The following DLG2 variants were observed in gnomAD, a reference collection of about 807,000 sequenced individuals.
DLG2 encodes disks large homolog 2.
Under a neutral mutation model 132.5 loss-of-function variants are expected in DLG2, and 45 were observed. The ratio of observed to expected loss-of-function variants is 0.34; its 90% CI spans 0.27 to 0.44. The LOEUF is 0.44. Ranked by LOEUF, DLG2 falls within the 20% of genes least tolerant of loss-of-function variation. The pLI, the probability that DLG2 is intolerant of heterozygous loss-of-function variation, is 1.00. For synonymous variants in DLG2, 424 were observed against 419.6 expected (o/e 1.01, Z -0.13); for missense variants, 1,045 against 1,196.9 (o/e 0.87, Z 1.87).
chr11:84,505,780 G>A (rs1567816870), intron 7 of DLG2, among the ~76,000 whole-genome samples: 1 of 151,892 alleles, frequency 6.6e-6, no homozygotes, highest in Non-Finnish European at 1.5e-5. Flanking sequence ...AGGACATATG[G>A]GGAACAAGAA....
chr11:84,866,742 T>C (rs2084630740), intron 6 of DLG2, among the ~76,000 whole-genome samples: 1 of 152,214 alleles, frequency 6.6e-6, no homozygotes, highest in Non-Finnish European at 1.5e-5. Flanking sequence ...TTAATCTTTA[T>C]TATAATCCTA....
chr11:83,568,975 G>A (rs2096753914), intron 19 of DLG2, among the ~76,000 whole-genome samples: 1 of 152,136 alleles, frequency 6.6e-6, no homozygotes, highest in African/African-American at 2.4e-5. Context: ...ATTTATTAAT[G>A]AGAAATCAAA....
chr11:83,473,286 C>A (rs536463526), intron 22 of DLG2, among the ~76,000 whole-genome samples: 1 of 152,042 alleles, frequency 6.6e-6, no homozygotes, highest in African/African-American at 2.4e-5. Flanking sequence ...AATATTAATT[C>A]GTCAGGAAAA....
At chr11:84,667,850 T>A (rs943060380) in intron 6 of DLG2, among the ~76,000 whole-genome samples, 2 of 152,098 alleles carry the variant, frequency 1.3e-5, no homozygotes, top group East Asian at 1.9e-4. Context: ...TTTATCCTTG[T>A]GTCCCCACCC....
chr11:85,470,185 G>C (rs919009311), intron 3 of DLG2, among the ~76,000 whole-genome samples: 8 of 138,140 alleles, frequency 5.8e-5, no homozygotes, highest in African/African-American at 2.1e-4. Flanking sequence ...AAATCAGAAA[G>C]ACATGAAAAC....
At chr11:85,006,837 G>A (rs533806708) in intron 6 of DLG2, among the ~76,000 whole-genome samples, 1 of 151,946 alleles carries the variant, frequency 6.6e-6, no homozygotes, top group Non-Finnish European at 1.5e-5. Flanking sequence ...GTCGACTTTA[G>A]ATCTTTCCTG....
chr11:85,497,182 A>C (rs909106224), intron 3 of DLG2, among the ~76,000 whole-genome samples: 2 of 152,126 alleles, frequency 1.3e-5, no homozygotes, highest in Admixed American at 1.3e-4. Flanking sequence ...AATCCTTGAA[A>C]AAAGGTTAGA....
intron 6 of DLG2, among the ~76,000 whole-genome samples, chr11:84,568,277 G>A (rs1440227946): frequency 1.3e-5 from 2 of 152,210 alleles, no homozygotes; most frequent in Non-Finnish European, 2.9e-5. Flanking sequence ...GGGAGGCCAA[G>A]GCGGATGGAT....
At chr11:85,392,317 G>A (rs1468555139) in intron 3 of DLG2, among the ~76,000 whole-genome samples, 1 of 151,936 alleles carries the variant, frequency 6.6e-6, no homozygotes, top group Non-Finnish European at 1.5e-5. Flanking sequence ...CATATCCCAT[G>A]CTTAAGGATG....
intron 15 of DLG2, among the ~76,000 whole-genome samples, chr11:83,929,867 T>TA (rs2079815840): frequency 6.6e-6 from 1 of 152,354 alleles, no homozygotes; most frequent in East Asian, 1.9e-4. Flanking sequence ...TAAATGGTGA[T>TA]ATTAATCTAA....
At chr11:84,761,246 G>A (rs137859912) in intron 6 of DLG2, among the ~76,000 whole-genome samples, 9 of 152,318 alleles carry the variant, frequency 5.9e-5, no homozygotes, top group African/African-American at 1.4e-4. Flanking sequence ...ATTTTTACCC[G>A]TGATGGTGTA....
At chr11:85,024,006 T>C (rs2060301263) in intron 6 of DLG2, among the ~76,000 whole-genome samples, 1 of 152,104 alleles carries the variant, frequency 6.6e-6, no homozygotes, top group South Asian at 2.1e-4. Context: ...ATTAAGATAA[T>C]CCGAGAATTT....
chr11:83,526,441 G>A (rs577968161), intron 21 of DLG2, among the ~76,000 whole-genome samples: 6 of 152,220 alleles, frequency 3.9e-5, no homozygotes, highest in African/African-American at 1.4e-4. Context: ...TTTGCTCTAT[G>A]TGTTGAGTAG....
chr11:84,292,240 G>A (rs764825746), intron 7 of DLG2, among the ~76,000 whole-genome samples: 21 of 152,120 alleles, frequency 1.4e-4, no homozygotes, highest in Admixed American at 1.3e-4. Context: ...TCAGAGTAAC[G>A]ACATATGTGG....
intron 18 of DLG2, among the ~76,000 whole-genome samples, chr11:83,761,837 A>G (rs2153759387): frequency 6.6e-6 from 1 of 152,300 alleles, no homozygotes; most frequent in East Asian, 1.9e-4. Context: ...CAGCATAGCA[A>G]CTCAACAAAT....
intron 11 of DLG2, among the ~76,000 whole-genome samples, chr11:83,997,730 C>CAAAAAAAAAAAAAAAAA (rs71066079): frequency 1.6e-4 from 4 of 24,796 alleles, no homozygotes; most frequent in African/African-American, 3.0e-4. Context: ...GACTCCATCT[C>CAAAAAAAAAAAAAAAAA]AAAAAAAAAA....
intron 7 of DLG2, among the ~76,000 whole-genome samples, chr11:84,405,419 C>A (rs2098845261): frequency 6.6e-6 from 1 of 152,120 alleles, no homozygotes; most frequent in South Asian, 2.1e-4. Context: ...TCTTCCGTAC[C>A]ATGAAGGAGA....
At chr11:85,059,604 G>A (rs1262747415) in intron 6 of DLG2, among the ~76,000 whole-genome samples, 1 of 151,550 alleles carries the variant, frequency 6.6e-6, no homozygotes, top group Non-Finnish European at 1.5e-5. Context: ...GTTTCCAAAA[G>A]ACAAACTGCA....
At chr11:83,576,768 A>G (rs1035157726) in intron 19 of DLG2, among the ~76,000 whole-genome samples, 8 of 152,222 alleles carry the variant, frequency 5.3e-5, no homozygotes, top group African/African-American at 1.9e-4. Context: ...ATGTGCACTT[A>G]AAGAAGTAGT....
Sources: gnomAD v4.1 joint callset for allele counts (sites outside exome capture counted in the v4.1 genomes callset) on GRCh38, gnomAD v4.1.1 for gene constraint, MANE v1.5 for transcripts, NCBI Gene and HGNC (gene_info 2026-07-23, HGNC 2026-07-21) for gene names.